The following PDE4D variants were observed in gnomAD, a reference collection of about 807,000 sequenced individuals.
PDE4D encodes the protein 3',5'-cyclic-AMP phosphodiesterase 4D.
PDE4D carries 24 observed loss-of-function variants against 87.4 expected under a neutral mutation model. The ratio of observed to expected loss-of-function variants is 0.27; its 90% CI spans 0.20 to 0.39. PDE4D has a LOEUF of 0.39. Ranked by LOEUF, PDE4D falls within the 10% of genes least tolerant of loss-of-function variation. The probability of loss-of-function intolerance (pLI) is 1.00; values close to 1 mark genes in which losing one functional copy is unlikely to be tolerated. For missense variants in PDE4D, 714 were observed against 1,041.0 expected, an observed-to-expected ratio of 0.69 and a Z score of 4.32; for synonymous variants, 384 against 383.2, an observed-to-expected ratio of 1.00 and a Z score of -0.02.
At chr5:59,974,458 G>T (rs1761098113) in intron 3 of PDE4D, among the ~76,000 whole-genome samples, 2 of 152,052 alleles carry the variant, frequency 1.3e-5, no homozygotes, top group African/African-American at 4.8e-5. Context: ...TAATAAATCT[G>T]GGAAACAGCT....
At chr5:59,508,940 C>T (rs1165118435) in intron 1 of PDE4D, among the ~76,000 whole-genome samples, 11 of 151,828 alleles carry the variant, frequency 7.2e-5, no homozygotes, top group African/African-American at 2.7e-4. Flanking sequence ...AGGTGAATGA[C>T]AGAGTGGGGC....
intron 1 of PDE4D, among the ~76,000 whole-genome samples, chr5:59,499,347 T>TA (rs55735204): frequency 1.4e-4 from 18 of 130,710 alleles, no homozygotes; most frequent in East Asian, 4.4e-4. Flanking sequence ...AAATCGCACC[T>TA]AAAAAAAAAA....
intron 1 of PDE4D, among the ~76,000 whole-genome samples, chr5:59,789,731 T>A (rs1159220447): frequency 3.9e-5 from 6 of 152,220 alleles, no homozygotes; most frequent in African/African-American, 1.4e-4. Context: ...AAGGTCTTCA[T>A]ATTTAATGGC....
chr5:59,769,847 A>G (rs909161223), intron 1 of PDE4D, among the ~76,000 whole-genome samples: 2 of 151,874 alleles, frequency 1.3e-5, no homozygotes, highest in African/African-American at 4.8e-5. Context: ...CCAGAAAAAA[A>G]AAAATGGAGA....
At position 58,974,486 on chromosome 5, in the gene PDE4D, G is replaced by A. The variant is rs1190886417; in HGVS notation, c.*178C>T. 1.7e-5 allele frequency: 8 copies of A among 458,384 alleles called. No individual in the cohort carries two copies. The Admixed American group carries it at 2.2e-4, about 13-fold the overall frequency. 28.4% of individuals were successfully genotyped at this position (458,384 alleles called of 1,614,324 possible). On this transcript the variant is annotated 3_prime_UTR_variant, in exon 15 of 15. Coordinates refer to ENST00000340635, the MANE Select transcript of PDE4D (RefSeq NM_001104631.2). ...GTCCACCTTGCTCGGATGACATGGA[G>A]GTGAAAAAACTGGTTACGATATTCC...
intron 1 of PDE4D, among the ~76,000 whole-genome samples, chr5:60,210,625 C>T (rs1300846871): frequency 6.6e-6 from 1 of 152,036 alleles, no homozygotes; most frequent in Non-Finnish European, 1.5e-5. Flanking sequence ...CCCCCCTCCC[C>T]AATTTTTTTA....
intron 1 of PDE4D, among the ~76,000 whole-genome samples, chr5:60,424,299 C>G (rs1034109278): frequency 6.6e-5 from 10 of 152,182 alleles, no homozygotes; most frequent in Non-Finnish European, 1.3e-4. Context: ...TACTGGCAAA[C>G]TGAAACCAGC....
chr5:59,975,277 T>C (rs937570647), intron 3 of PDE4D, among the ~76,000 whole-genome samples: 1 of 152,146 alleles, frequency 6.6e-6, no homozygotes, highest in Non-Finnish European at 1.5e-5. Flanking sequence ...GATCTCTCAG[T>C]TCCTCAGCTA....
chr5:60,228,716 A>AAAAAAAC (rs1249188554), intron 1 of PDE4D, among the ~76,000 whole-genome samples: 1 of 152,066 alleles, frequency 6.6e-6, no homozygotes, highest in African/African-American at 2.4e-5. Context: ...TAAACTACCA[A>AAAAAAAC]AAAAAACAAA....
intron 1 of PDE4D, among the ~76,000 whole-genome samples, chr5:60,220,056 G>C (rs980248643): frequency 7.2e-5 from 11 of 152,126 alleles, no homozygotes; most frequent in Non-Finnish European, 1.0e-4. Flanking sequence ...AGAGGAAGCT[G>C]GATTACTTAT....
At chr5:59,617,666 G>C (rs975718819) in intron 1 of PDE4D, among the ~76,000 whole-genome samples, 3 of 152,154 alleles carry the variant, frequency 2.0e-5, no homozygotes, top group African/African-American at 7.2e-5. Context: ...ACAAGCAAAG[G>C]AACTACCAGA....
At chr5:60,317,300 G>A (rs540171342) in intron 1 of PDE4D, among the ~76,000 whole-genome samples, 6 of 152,122 alleles carry the variant, frequency 3.9e-5, no homozygotes, top group African/African-American at 1.4e-4. Flanking sequence ...ATTCTCTAAC[G>A]GTAGTTTGTA....
chr5:59,955,850 C>T (rs1187562319), intron 3 of PDE4D, among the ~76,000 whole-genome samples: 2 of 152,002 alleles, frequency 1.3e-5, no homozygotes, highest in African/African-American at 2.4e-5. Context: ...CAAGTAAGAT[C>T]GACATGTTCT....
chr5:60,518,080 A>G (rs981489688), intron 1 of PDE4D, among the ~76,000 whole-genome samples: 1 of 152,222 alleles, frequency 6.6e-6, no homozygotes, highest in African/African-American at 2.4e-5. Flanking sequence ...CATCTGTGGT[A>G]CACCTGGTCC....
rs917225860 is a variant in PDE4D, at chr5:58,971,474, T to C, written c.*3190A>G. On this transcript the variant is annotated 3_prime_UTR_variant, in exon 15 of 15. Transcript: ENST00000340635. ...CAGTATGTACATTGCAATAAATACA[T>C]GGTTGTAAACAGACAAACAAGACTG... 1 of 152,540 alleles carries C rather than the reference T, an allele frequency of 6.6e-6. No homozygotes were observed. Among genetic ancestry groups the C allele is most frequent in the African/African-American group, 2.4e-5 (1 of 41,424 alleles). 9.4% of individuals were successfully genotyped at this position (152,540 alleles called of 1,614,324 possible).
intron 1 of PDE4D, among the ~76,000 whole-genome samples, chr5:60,208,694 A>G (rs558532570): frequency 1.2e-3 from 179 of 152,328 alleles, no homozygotes; most frequent in African/African-American, 4.1e-3. Flanking sequence ...TCTTATAAGC[A>G]GCAACAATGA....
intron 3 of PDE4D, among the ~76,000 whole-genome samples, chr5:59,967,808 A>G (rs4699946): frequency 0.33 from 50,597 of 151,838 alleles, 9,026 homozygotes; most frequent in African/African-American, 0.43. Flanking sequence ...TATGCTCATC[A>G]CTGCACTATT....
At position 60,201,595 on chromosome 5, in the gene PDE4D, CAT is replaced by C. The variant is rs770227683; in HGVS notation, c.-89-15910_-89-15909del. 2.8e-4 allele frequency among the ~76,000 whole-genome samples: 43 copies of C among 152,216 alleles called. No individual in the cohort carries two copies. The East Asian group carries it at 5.4e-3, about 19-fold the overall frequency. On this transcript the variant is annotated intron_variant, in intron 1 of 16. Coordinates refer to the PDE4D transcript ENST00000502484. ...TACATGCAAGCAGAGTAAATAGGATCATGAGTCCCACATTCCCATCACACAGC... is the reference window on the plus strand; with the variant it reads ...TACATGCAAGCAGAGTAAATAGGATCGAGTCCCACATTCCCATCACACAGC...
At chr5:60,434,427 GA>G (rs1277954839) in intron 1 of PDE4D, among the ~76,000 whole-genome samples, 1 of 150,154 alleles carries the variant, frequency 6.7e-6, no homozygotes, top group Non-Finnish European at 1.5e-5. Context: ...GAAGACACCA[GA>G]ACATGTCTCT....
Sources: gnomAD v4.1 joint callset for allele counts (sites outside exome capture counted in the v4.1 genomes callset) on GRCh38, gnomAD v4.1.1 for gene constraint, MANE v1.5 for transcripts, NCBI Gene and HGNC (gene_info 2026-07-23, HGNC 2026-07-21) for gene names.